Variants in DIS3L2 observed in about 807,000 individuals in gnomAD.
The protein encoded by DIS3L2 is DIS3-like exonuclease 2.
A neutral mutation model predicts 97.5 loss-of-function variants in DIS3L2; 34 were observed. The observed-to-expected ratio is 0.35, with a 90% CI of 0.27 to 0.46. The LOEUF (loss-of-function observed/expected upper bound fraction) is 0.46, where lower values mean the gene tolerates loss of function less well. Ranked by LOEUF, DIS3L2 falls within the 20% of genes least tolerant of loss-of-function variation. The pLI is 1.00. For synonymous variants in DIS3L2, 435 were observed against 445.2 expected (o/e 0.98, Z 0.29); for missense variants, 1,038 against 1,146.0 (o/e 0.91, Z 1.36).
intron 9 of DIS3L2, among the ~76,000 whole-genome samples, chr2:232,166,440 T>G (rs760656039): frequency 1.6e-4 from 25 of 152,154 alleles, no homozygotes; most frequent in Non-Finnish European, 3.2e-4. Context: ...AAAATTACTT[T>G]TGGGCCGGGC....
chr2:232,194,748 G>A (rs1225119049), intron 9 of DIS3L2, among the ~76,000 whole-genome samples: 2 of 152,184 alleles, frequency 1.3e-5, no homozygotes, highest in African/African-American at 4.8e-5. Flanking sequence ...CCAGGGCTTG[G>A]TAAGGACTGG....
At chr2:232,001,557 C>CTTTTTTTTTTTTTTTTTTTTT (rs57766848) in intron 1 of DIS3L2, among the ~76,000 whole-genome samples, 9 of 61,920 alleles carry the variant, frequency 1.5e-4, no homozygotes, top group African/African-American at 2.6e-4. Flanking sequence ...TGCCATTTGT[C>CTTTTTTTTTTTTTTTTTTTTT]TTTTTTTTTT....
chr2:232,158,498 CT>C (rs1350456236), intron 8 of DIS3L2, among the ~76,000 whole-genome samples: 3 of 152,102 alleles, frequency 2.0e-5, no homozygotes, highest in African/African-American at 4.8e-5. Flanking sequence ...ATTCAAGATA[CT>C]TTTTTGTTGG....
intron 1 of DIS3L2, among the ~76,000 whole-genome samples, chr2:231,993,257 G>A (rs1479856251): frequency 2.6e-5 from 4 of 151,852 alleles, no homozygotes; most frequent in Non-Finnish European, 4.4e-5. Context: ...TTGAGACAGA[G>A]TCTTGGAGTG....
chr2:232,038,107 T>C (rs1695003332), intron 5 of DIS3L2, among the ~76,000 whole-genome samples: 1 of 152,224 alleles, frequency 6.6e-6, no homozygotes, highest in Non-Finnish European at 1.5e-5. Flanking sequence ...CTGGATTCCT[T>C]GAAAGCATAG....
chr2:232,239,842 T>G (rs1180245612), intron 11 of DIS3L2, among the ~76,000 whole-genome samples: 1 of 152,260 alleles, frequency 6.6e-6, no homozygotes, highest in Non-Finnish European at 1.5e-5. Flanking sequence ...CAAGTGTTAC[T>G]GAGAGTTCCT....
At chr2:232,341,325 A>G (rs1696098226), downstream of DIS3L2, among the ~76,000 whole-genome samples, 1 of 152,238 alleles carries the variant, frequency 6.6e-6, no homozygotes, top group Non-Finnish European at 1.5e-5. Flanking sequence ...GGGCAGCAGT[A>G]GAGTGACATG....
At chr2:232,176,983 G>T (rs1157253710) in intron 9 of DIS3L2, among the ~76,000 whole-genome samples, 2 of 136,328 alleles carry the variant, frequency 1.5e-5, no homozygotes, top group Non-Finnish European at 3.1e-5. Flanking sequence ...AGTCACCAGA[G>T]TGTGATATTC....
At chr2:232,149,530 T>C (rs1380198738) in intron 8 of DIS3L2, among the ~76,000 whole-genome samples, 1 of 149,594 alleles carries the variant, frequency 6.7e-6, no homozygotes, top group Non-Finnish European at 1.5e-5. Context: ...TATGAACTCA[T>C]CATTTTTATG....
intron 6 of DIS3L2, among the ~76,000 whole-genome samples, chr2:232,127,782 T>C (rs558551775): frequency 2.6e-5 from 4 of 152,184 alleles, no homozygotes; most frequent in Non-Finnish European, 5.9e-5. Context: ...ACTTCCTGCC[T>C]TTACCCTTTC....
At chr2:232,343,673 A>G in exon 14 of DIS3L2, 1 of 1,318,448 alleles carries the variant, frequency 7.6e-7, no homozygotes, top group Non-Finnish European at 1.0e-6. Context: ...AAGGTCCAGT[A>G]GAAAAGGAGC....
intron 9 of DIS3L2, among the ~76,000 whole-genome samples, chr2:232,184,211 C>T (rs3116190): frequency 0.93 from 140,956 of 152,268 alleles, 65,312 homozygotes; most frequent in East Asian, 0.99. Flanking sequence ...TCAGAGGAGG[C>T]CTCTACTTTG....
chr2:232,025,057 T>C (rs984294815), intron 4 of DIS3L2, among the ~76,000 whole-genome samples: 8 of 152,188 alleles, frequency 5.3e-5, no homozygotes, highest in East Asian at 1.9e-4. Context: ...ACCAAACTTA[T>C]GCTTATAGAT....
Position 232,337,046 on chromosome 2 carries a change from C to T in DIS3L2, c.*416C>T. ...CCCCTTGCACCCAGGGCAAGGGACCCAGTTCAGGCTTCACCCCTCGCTGCT... is the reference window on the plus strand; with the variant it reads ...CCCCTTGCACCCAGGGCAAGGGACCTAGTTCAGGCTTCACCCCTCGCTGCT... On this transcript the variant is annotated 3_prime_UTR_variant, in exon 21 of 21. Coordinates refer to ENST00000325385, the MANE Select transcript of DIS3L2 (RefSeq NM_152383.5). The T allele has an allele frequency of 1.9e-6, 2 of 1,062,284 alleles. No homozygotes were observed. Among genetic ancestry groups the T allele is most frequent in the Admixed American group, 5.1e-5 (1 of 19,428 alleles). 65.8% of individuals were successfully genotyped at this position (1,062,284 alleles called of 1,614,324 possible).
intron 5 of DIS3L2, among the ~76,000 whole-genome samples, chr2:232,033,598 G>A (rs181791837): frequency 1.6e-4 from 24 of 152,246 alleles, no homozygotes; most frequent in African/African-American, 5.3e-4. Context: ...TATGATATTG[G>A]CTATGGGTTT....
At position 232,281,291 on chromosome 2, in the gene DIS3L2, T is replaced by C. The variant is rs1376214350; in HGVS notation, c.1659+17851T>C. 1.3e-5 allele frequency among the ~76,000 whole-genome samples: 2 copies of C among 152,028 alleles called. No individual in the cohort carries two copies. The highest frequency in any genetic ancestry group is 2.9e-5 in the Non-Finnish European group (2 of 67,978). ...GCGGGCGCCTGTGGTCCCAGCTATT[T>C]GGGAGGCTGAGGCAGGAGAAGGGCG... is the stretch of plus-strand genomic sequence containing the variant. On this transcript the variant is annotated intron_variant, in intron 13 of 20. Coordinates refer to ENST00000325385, the MANE Select transcript of DIS3L2 (RefSeq NM_152383.5). The surrounding 1 kb of genome is among the most constrained non-coding windows in gnomAD (Gnocchi z 4.1).
intron 6 of DIS3L2, among the ~76,000 whole-genome samples, chr2:232,105,641 A>C (rs547329465): frequency 8.5e-5 from 13 of 152,152 alleles, no homozygotes; most frequent in Non-Finnish European, 1.8e-4. Context: ...TATAGAATAT[A>C]CTCTGCCCCA....
At chr2:232,259,050 T>C (rs1010322316) in intron 12 of DIS3L2, among the ~76,000 whole-genome samples, 8 of 152,188 alleles carry the variant, frequency 5.3e-5, no homozygotes, top group African/African-American at 1.7e-4. Flanking sequence ...GAGGTCCCTG[T>C]GCCTGAGCAG....
At chr2:232,167,644 C>A (rs1009421171) in intron 9 of DIS3L2, among the ~76,000 whole-genome samples, 3 of 152,140 alleles carry the variant, frequency 2.0e-5, no homozygotes, top group Non-Finnish European at 4.4e-5. Flanking sequence ...AGTAAATTTC[C>A]ATCTTTTCTG....
Sources: allele counts gnomAD v4.1 joint callset (sites outside exome capture counted in the v4.1 genomes callset), GRCh38; gene constraint gnomAD v4.1.1; non-coding constraint Gnocchi (gnomAD v3.1); transcripts MANE v1.5; gene names NCBI Gene and HGNC (gene_info 2026-07-23, HGNC 2026-07-21).